The following MYO18B variants were observed in gnomAD, a reference collection of about 807,000 sequenced individuals.
MYO18B encodes unconventional myosin-XVIIIb.
MYO18B carries 204 observed loss-of-function variants against 273.0 expected under a neutral mutation model. The ratio of observed to expected loss-of-function variants is 0.75; its 90% confidence interval spans 0.67 to 0.84. The LOEUF (loss-of-function observed/expected upper bound fraction) is 0.84. Among genes scored for constraint, MYO18B ranks in the 40% least tolerant of loss-of-function variants. The pLI is 0.00. For missense variants in MYO18B, 3,212 were observed against 3,287.6 expected (o/e 0.98, Z 0.56); for synonymous variants, 1,330 against 1,305.7 (o/e 1.02, Z -0.40).
chr22:25,859,154 A>T (rs2090657731), intron 21 of MYO18B, among the ~76,000 whole-genome samples: 1 of 152,302 alleles, frequency 6.6e-6, no homozygotes, highest in African/African-American at 2.4e-5. Flanking sequence ...ATGGATTTTA[A>T]TGCCCCTTCT....
chr22:25,992,700 C>T (rs372367960), intron 40 of MYO18B, among the ~76,000 whole-genome samples: 7 of 152,228 alleles, frequency 4.6e-5, no homozygotes, highest in African/African-American at 1.2e-4. Flanking sequence ...TAAAACCTCT[C>T]AGTCCAGCTT....
intron 17 of MYO18B, among the ~76,000 whole-genome samples, chr22:25,840,331 C>A (rs1181044233): frequency 6.6e-6 from 1 of 152,284 alleles, no homozygotes; most frequent in African/African-American, 2.4e-5. Context: ...TTCAGCAGCT[C>A]CTTCTGCCTG....
At chr22:25,743,178 G>A (rs969888139) in intron 1 of MYO18B, among the ~76,000 whole-genome samples, 1 of 152,222 alleles carries the variant, frequency 6.6e-6, no homozygotes, top group Non-Finnish European at 1.5e-5. Flanking sequence ...CTTCTATCCT[G>A]TAGGGCCTGG....
chr22:26,014,762 T>C (rs1935179632), intron 42 of MYO18B, among the ~76,000 whole-genome samples: 1 of 152,250 alleles, frequency 6.6e-6, no homozygotes, highest in East Asian at 1.9e-4. Flanking sequence ...TTCTAACTGG[T>C]GTGAGTTGGT....
rs573508178 is a variant in MYO18B, at chr22:26,009,867, A to T, written c.6470+5012A>T. Among the ~76,000 whole-genome samples, 35 of 152,152 alleles carry T rather than the reference A, an allele frequency of 2.3e-4. 2 individuals carry two copies. The Middle Eastern group carries it at 0.017, about 74-fold the overall frequency. ...TTGGCTCTGCAGCTTTCAGCAGGTG[A>T]CCCCCAAATACAGATGAACGTCTTT... On this transcript the variant is annotated intron_variant, in intron 42 of 43. Coordinates refer to ENST00000335473, the MANE Select transcript of MYO18B (RefSeq NM_032608.7).
intron 37 of MYO18B, among the ~76,000 whole-genome samples, chr22:25,951,052 C>A (rs2092787188): frequency 6.6e-6 from 1 of 152,178 alleles, no homozygotes; most frequent in African/African-American, 2.4e-5. Flanking sequence ...AGGCCCATCT[C>A]TCTCCTTTTC....
At chr22:25,786,684 T>G (rs2087404454) in intron 11 of MYO18B, among the ~76,000 whole-genome samples, 1 of 152,082 alleles carries the variant, frequency 6.6e-6, no homozygotes, top group Non-Finnish European at 1.5e-5. Context: ...CAAATTAACT[T>G]TATCAAAAGG....
chr22:25,999,555 TC>T (rs1569280804), intron 40 of MYO18B, among the ~76,000 whole-genome samples: 1 of 23,250 alleles, frequency 4.3e-5, no homozygotes, highest in Non-Finnish European at 7.9e-5. Context: ...CCCCTCCCCC[TC>T]TTCCCCCTCC....
intron 42 of MYO18B, among the ~76,000 whole-genome samples, chr22:26,020,102 C>G (rs1415582402): frequency 1.3e-5 from 2 of 152,086 alleles, no homozygotes; most frequent in African/African-American, 4.8e-5. Context: ...GCAGTATGGC[C>G]TTGAGCAAAT....
chr22:26,005,919 G>A (rs1233899882), intron 42 of MYO18B, among the ~76,000 whole-genome samples: 2 of 152,162 alleles, frequency 1.3e-5, no homozygotes, highest in African/African-American at 4.8e-5. Flanking sequence ...TCAAAGACAG[G>A]CTCCAAGAAT....
chr22:25,777,868 T>A, intron 8 of MYO18B, 87 bp downstream of exon 8: 3 of 1,317,846 alleles, frequency 2.3e-6, no homozygotes, highest in Non-Finnish European at 3.1e-6. Context: ...TTATATTCAT[T>A]CAGCTAGCAT....
intron 34 of MYO18B, among the ~76,000 whole-genome samples, chr22:25,925,182 A>C (rs1353951113): frequency 6.6e-6 from 1 of 152,174 alleles, no homozygotes; most frequent in Non-Finnish European, 1.5e-5. Context: ...TGCACATCAG[A>C]GAAGTTAAAC....
intron 11 of MYO18B, among the ~76,000 whole-genome samples, chr22:25,795,841 A>G (rs2087884383): frequency 6.6e-6 from 1 of 152,188 alleles, no homozygotes; most frequent in Non-Finnish European, 1.5e-5. Flanking sequence ...AGTTAGAGGA[A>G]GTGGCTTGAG....
Position 25,772,519 on chromosome 22 carries a change from G to T in MYO18B, c.1869+9G>T. ...TGCCTTCTGCAGGGAAGGTGAGGTG[G>T]GACCATTGTGGGCAGGGCTGAGGGG... is the stretch of plus-strand genomic sequence containing the variant. On this transcript the variant is annotated intron_variant, in intron 7 of 43. Coordinates refer to ENST00000335473, the MANE Select transcript of MYO18B (RefSeq NM_032608.7). 6.2e-7 allele frequency: 1 copy of T among 1,612,202 alleles called. No individual in the cohort carries two copies. Among genetic ancestry groups the T allele is most frequent in the Non-Finnish European group, 8.5e-7 (1 of 1,179,268 alleles).
At chr22:26,028,275 A>G (rs1936421076) in intron 43 of MYO18B, 1 of 150,022 alleles carries the variant, frequency 6.7e-6, no homozygotes, top group African/African-American at 2.5e-5. Context: ...AAGGTGCCAG[A>G]TGTTTAAAGT....
intron 19 of MYO18B, 114 bp downstream of exon 19, chr22:25,846,397 GGCGA>G: frequency 1.7e-6 from 2 of 1,180,044 alleles, no homozygotes; most frequent in Non-Finnish European, 2.4e-6. Context: ...AGGCCAGAGG[GGCGA>G]GTGTCACCCC....
At chr22:25,916,173 G>A (rs963065662) in intron 33 of MYO18B, among the ~76,000 whole-genome samples, 1 of 152,042 alleles carries the variant, frequency 6.6e-6, no homozygotes, top group African/African-American at 2.4e-5. Flanking sequence ...AAATTCTACT[G>A]TATCAGATTA....
chr22:25,902,241 G>A (rs1183811328), intron 29 of MYO18B, among the ~76,000 whole-genome samples: 2 of 152,038 alleles, frequency 1.3e-5, no homozygotes, highest in South Asian at 2.1e-4. Flanking sequence ...ATTTAGATTA[G>A]CATTTTAGTA....
intron 40 of MYO18B, among the ~76,000 whole-genome samples, chr22:25,996,117 G>C (rs1421097647): frequency 6.6e-6 from 1 of 152,218 alleles, no homozygotes; most frequent in Admixed American, 6.5e-5. Context: ...TTGCCAATTA[G>C]AGATCTAATG....
Sources: gnomAD v4.1 joint callset for allele counts (sites outside exome capture counted in the v4.1 genomes callset) on GRCh38, gnomAD v4.1.1 for gene constraint, MANE v1.5 for transcripts, NCBI Gene and HGNC (gene_info 2026-07-23, HGNC 2026-07-21) for gene names.